AHCYL2: variants seen among roughly 807,000 people sequenced by gnomAD.
AHCYL2 encodes the protein adenosylhomocysteinase like 2.
In AHCYL2, 28 loss-of-function variants were observed where a neutral mutation model predicts 81.4. That is an observed-to-expected ratio of 0.34 (90% CI 0.25 to 0.47). The LOEUF (loss-of-function observed/expected upper bound fraction) is 0.47. Among genes scored for constraint, AHCYL2 ranks in the 20% least tolerant of loss-of-function variants. AHCYL2 has a pLI of 1.00. For synonymous variants in AHCYL2, 272 were observed against 290.2 expected, an observed-to-expected ratio of 0.94 and a Z score of 0.64; for missense variants, 551 against 785.1, an observed-to-expected ratio of 0.70 and a Z score of 3.56.
chr7:129,395,065 C>T (rs1402664987), intron 4 of AHCYL2, among the ~76,000 whole-genome samples: 4 of 151,348 alleles, frequency 2.6e-5, no homozygotes, highest in Non-Finnish European at 4.4e-5. Flanking sequence ...TATTAGTTTT[C>T]GTTATAGTCA....
chr7:129,299,366 CTTGTT>C (rs1797169756), intron 1 of AHCYL2, among the ~76,000 whole-genome samples: 1 of 83,732 alleles, frequency 1.2e-5, no homozygotes, highest in African/African-American at 4.5e-5. Context: ...GAGAGTCCAA[CTTGTT>C]TTTTTTTTTT....
intron 13 of AHCYL2, among the ~76,000 whole-genome samples, chr7:129,423,644 GATA>G (rs1404761906): frequency 6.6e-6 from 1 of 152,022 alleles, no homozygotes; most frequent in African/African-American, 2.4e-5. Flanking sequence ...TATCAAGGAG[GATA>G]ATAATACTTT....
Position 129,318,046 on chromosome 7 carries a change from T to C in AHCYL2, c.364-61592T>C, listed in dbSNP as rs147877949. On this transcript the variant is annotated intron_variant, in intron 1 of 16. Transcript: ENST00000325006. ...GTTGTTTTATTTTCTAATGGCTCTT[T>C]TATGTAGTGTGTTTTGAGAAAACCC... is the stretch of plus-strand genomic sequence containing the variant. Among the ~76,000 whole-genome samples the C allele has an allele frequency of 4.3e-3, 655 of 152,330 alleles. 9 individuals are homozygous for C. Among genetic ancestry groups the C allele is most frequent in the African/African-American group, 0.015 (625 of 41,578 alleles).
intron 1 of AHCYL2, among the ~76,000 whole-genome samples, chr7:129,268,859 A>T (rs1160218805): frequency 6.6e-6 from 1 of 152,230 alleles, no homozygotes. Flanking sequence ...TCACTCATTT[A>T]AAGCATACAA....
intron 1 of AHCYL2, among the ~76,000 whole-genome samples, chr7:129,346,458 A>T (rs1381789769): frequency 6.6e-6 from 1 of 152,208 alleles, no homozygotes; most frequent in East Asian, 1.9e-4. Context: ...AACCTGATTA[A>T]AAAGTGGGCA....
intron 12 of AHCYL2, among the ~76,000 whole-genome samples, chr7:129,416,337 C>T (rs1796846789): frequency 6.6e-6 from 1 of 152,038 alleles, no homozygotes; most frequent in African/African-American, 2.4e-5. Context: ...ATATTTCTAC[C>T]CTCATGGAGC....
At chr7:129,398,568 G>A (rs1457016831) in intron 5 of AHCYL2, among the ~76,000 whole-genome samples, 3 of 149,660 alleles carry the variant, frequency 2.0e-5, no homozygotes, top group Non-Finnish European at 3.0e-5. Context: ...TAGTAGAGAC[G>A]GGGTTTCACC....
intron 13 of AHCYL2, chr7:129,424,592 C>A: frequency 2.1e-6 from 1 of 487,780 alleles, no homozygotes; most frequent in East Asian, 3.7e-5. Context: ...AAGAGAAGTA[C>A]ACTGATATTT....
rs1193895820 is a variant in AHCYL2 at position 129,416,883 on chromosome 7, C to G, written c.1461+3195C>G. On this transcript the variant is annotated intron_variant, in intron 12 of 16. Coordinates refer to ENST00000325006, the MANE Select transcript of AHCYL2 (RefSeq NM_015328.4). ...CTGTAATCCCAGCACTTTGGGAGAC[C>G]AAGGCAGGATGATTACTTGAGCCCA... Among the ~76,000 whole-genome samples the G allele has an allele frequency of 2.0e-5, 3 of 151,906 alleles. No homozygotes were observed. The East Asian group carries it at 5.8e-4, about 29-fold the overall frequency.
intron 1 of AHCYL2, among the ~76,000 whole-genome samples, chr7:129,312,764 C>T (rs1797705164): frequency 6.6e-6 from 1 of 152,100 alleles, no homozygotes; most frequent in South Asian, 2.1e-4. Flanking sequence ...ATTGAACGTT[C>T]TCATCTCTCT....
rs1391250865 is a variant in AHCYL2, at chr7:129,427,970, G to C, written c.*925G>C. The stretch of plus-strand genomic sequence containing the variant: ...TGCCTAAAGCTACGTCTGAAACTGA[G>C]TAGGGAAAGGCATACTTTTCCAGGG... On this transcript the variant is annotated 3_prime_UTR_variant, in exon 17 of 17. Coordinates refer to ENST00000325006, the MANE Select transcript of AHCYL2 (RefSeq NM_015328.4). This position sits in a 1 kb window ranked among gnomAD's most constrained non-coding sequence, Gnocchi z 5.5. 1 of 152,444 alleles carries C rather than the reference G, an allele frequency of 6.6e-6. No homozygotes were observed. Among genetic ancestry groups the C allele is most frequent in the Non-Finnish European group, 1.5e-5 (1 of 68,044 alleles). The allele number at this position is 152,444 out of a possible 1,614,324, so 9.4% of individuals were successfully genotyped here.
chr7:129,379,770 GA>G, intron 2 of AHCYL2, 21 bp downstream of exon 2: 2 of 1,590,538 alleles, frequency 1.3e-6, no homozygotes, highest in African/African-American at 1.3e-5. Context: ...AACTGCTGTG[GA>G]CCCAGCTGTT....
At chr7:129,375,042 G>T (rs905761577) in intron 1 of AHCYL2, among the ~76,000 whole-genome samples, 6 of 151,882 alleles carry the variant, frequency 4.0e-5, no homozygotes, top group African/African-American at 1.5e-4. Flanking sequence ...GTTGTGATTC[G>T]GGGGACTCTG....
chr7:129,383,827 A>T (rs780643720), intron 2 of AHCYL2, among the ~76,000 whole-genome samples: 1 of 152,160 alleles, frequency 6.6e-6, no homozygotes, highest in Non-Finnish European at 1.5e-5. Context: ...TTCCAGATAC[A>T]TGCATTGCTG....
chr7:129,264,355 C>T (rs1795746355), intron 1 of AHCYL2, among the ~76,000 whole-genome samples: 1 of 152,128 alleles, frequency 6.6e-6, no homozygotes, highest in African/African-American at 2.4e-5. Flanking sequence ...TTTGAGGTGT[C>T]TGTGGAACAT....
At chr7:129,325,720 T>C (rs1798198160) in intron 1 of AHCYL2, among the ~76,000 whole-genome samples, 1 of 152,072 alleles carries the variant, frequency 6.6e-6, no homozygotes, top group Non-Finnish European at 1.5e-5. Context: ...GTTTTGTTTT[T>C]TCTTTTTCTT....
intron 12 of AHCYL2, among the ~76,000 whole-genome samples, chr7:129,421,607 A>G (rs1797121931): frequency 6.6e-6 from 1 of 152,242 alleles, no homozygotes; most frequent in South Asian, 2.1e-4. Flanking sequence ...GAAACTTGAC[A>G]TTTCAAGAAA....
intron 1 of AHCYL2, among the ~76,000 whole-genome samples, chr7:129,230,321 A>T (rs1314932900): frequency 6.6e-6 from 1 of 151,582 alleles, no homozygotes; most frequent in Admixed American, 6.6e-5. Context: ...TGACCTCGTG[A>T]TCCACCCGCC....
At chr7:129,255,568 G>T (rs1382289344) in intron 1 of AHCYL2, among the ~76,000 whole-genome samples, 2 of 151,436 alleles carry the variant, frequency 1.3e-5, no homozygotes, top group African/African-American at 4.9e-5. Flanking sequence ...TTACATGAAT[G>T]TGTGTGTGTG....
Sources: gnomAD v4.1 joint callset for allele counts (sites outside exome capture counted in the v4.1 genomes callset) on GRCh38, gnomAD v4.1.1 for gene constraint, Gnocchi (gnomAD v3.1) non-coding constraint, MANE v1.5 for transcripts, NCBI Gene and HGNC (gene_info 2026-07-23, HGNC 2026-07-21) for gene names.